FOXP2: variants seen among roughly 807,000 people sequenced by gnomAD.
FOXP2 encodes forkhead box protein P2.
Under a neutral mutation model 115.8 loss-of-function variants are expected in FOXP2, and 12 were observed. That is an observed-to-expected ratio of 0.10 (90% CI 0.07 to 0.17). The LOEUF is 0.17. Ranked by LOEUF, FOXP2 falls within the 10% of genes least tolerant of loss-of-function variation. The pLI is 1.00. For synonymous variants in FOXP2, 328 were observed against 297.7 expected (o/e 1.10, Z -1.05); for missense variants, 629 against 843.5 (o/e 0.75, Z 3.15).
intron 3 of FOXP2, among the ~76,000 whole-genome samples, chr7:114,571,908 T>C (rs1801325233): frequency 6.6e-6 from 1 of 151,788 alleles, no homozygotes; most frequent in Admixed American, 6.6e-5. Flanking sequence ...CTGATGTATT[T>C]ATTTAGGCTC....
intron 15 of FOXP2, among the ~76,000 whole-genome samples, 158 bp downstream of exon 15, chr7:114,663,677 T>C (rs574458290): frequency 6.6e-6 from 1 of 152,042 alleles, no homozygotes; most frequent in Non-Finnish European, 1.5e-5. Context: ...TGGTTCTAAT[T>C]CAAGCTACTT....
In FOXP2 at chr7:114,271,662, A is replaced by T. The variant is rs1420135729; in HGVS notation, c.-101-16357A>T. Among the ~76,000 whole-genome samples the T allele has an allele frequency of 5.0e-5, 6 of 119,660 alleles. No homozygotes were observed. In the East Asian group the frequency reaches 1.3e-3, roughly 26 times the overall value. The allele number at this position is 119,660 out of a possible 152,430, so 78.5% of individuals were successfully genotyped here. On this transcript the variant is annotated intron_variant, in intron 1 of 17. Transcript: ENST00000634411. ...ATTATTAATTATTATAAATATTATTAAATATATTATTTAAAATTATATTTA... is the reference window on the plus strand; with the variant it reads ...ATTATTAATTATTATAAATATTATTTAATATATTATTTAAAATTATATTTA...
chr7:114,289,817 CA>C (rs1400579285), intron 2 of FOXP2, among the ~76,000 whole-genome samples: 1 of 151,822 alleles, frequency 6.6e-6, no homozygotes, highest in Non-Finnish European at 1.5e-5. Context: ...AATGAATATG[CA>C]TAATGCCAAA....
At chr7:114,333,768 G>T (rs949296930) in intron 2 of FOXP2, among the ~76,000 whole-genome samples, 4 of 152,100 alleles carry the variant, frequency 2.6e-5, no homozygotes, top group African/African-American at 7.2e-5. Flanking sequence ...CATGCCTGTA[G>T]TCCCAGCCAT....
chr7:114,108,144 A>T (rs1406621650), intron 1 of FOXP2, among the ~76,000 whole-genome samples: 2 of 151,926 alleles, frequency 1.3e-5, no homozygotes, highest in Admixed American at 6.6e-5. Context: ...AACCAGGTTG[A>T]CTGTTCAATA....
intron 3 of FOXP2, among the ~76,000 whole-genome samples, chr7:114,616,869 G>A (rs1803979336): frequency 6.6e-6 from 1 of 152,158 alleles, no homozygotes; most frequent in South Asian, 2.1e-4. Context: ...GATTCTAGGA[G>A]TTCAAGACTA....
intron 2 of FOXP2, among the ~76,000 whole-genome samples, chr7:114,395,128 A>G (rs1271180683): frequency 6.6e-6 from 1 of 152,200 alleles, no homozygotes; most frequent in Non-Finnish European, 1.5e-5. Flanking sequence ...GTTTGTGACT[A>G]TGACAGTATT....
In FOXP2 at chr7:114,180,558, C is replaced by G. The variant is rs937823673; in HGVS notation, c.-102+17470C>G. 4.6e-5 allele frequency among the ~76,000 whole-genome samples: 7 copies of G among 152,024 alleles called. 1 individual carries two copies. The South Asian group carries it at 1.2e-3, about 27-fold the overall frequency. On this transcript the variant is annotated intron_variant, in intron 1 of 17. Transcript: ENST00000634411. Reference sequence around the variant, plus strand: ...GCTTAAATGTCCCATAAGAATTCATCTAAATACATGTATAATTAAGTATAT... The same window carrying G: ...GCTTAAATGTCCCATAAGAATTCATGTAAATACATGTATAATTAAGTATAT...
intron 1 of FOXP2, among the ~76,000 whole-genome samples, chr7:114,197,904 A>C (rs935065698): frequency 2.7e-5 from 4 of 150,898 alleles, no homozygotes; most frequent in African/African-American, 9.7e-5. Flanking sequence ...TCACTCTGTC[A>C]CCCAGGCTGG....
At chr7:114,124,337 A>G (rs189378912) in intron 1 of FOXP2, among the ~76,000 whole-genome samples, 3 of 152,260 alleles carry the variant, frequency 2.0e-5, no homozygotes, top group African/African-American at 7.2e-5. Flanking sequence ...AATAACCAGC[A>G]TGTAAAAAAC....
At chr7:114,107,090 T>C (rs555473028) in intron 1 of FOXP2, among the ~76,000 whole-genome samples, 1 of 152,128 alleles carries the variant, frequency 6.6e-6, no homozygotes, top group African/African-American at 2.4e-5. Context: ...TTTGGTATCT[T>C]AGGCAGTTTC....
At chr7:114,418,799 T>C (rs1446894650) in intron 1 of FOXP2, among the ~76,000 whole-genome samples, 2 of 151,906 alleles carry the variant, frequency 1.3e-5, no homozygotes, top group Non-Finnish European at 1.5e-5. Flanking sequence ...AGTATACTTA[T>C]AAGAATGATG....
intron 1 of FOXP2, among the ~76,000 whole-genome samples, chr7:114,125,999 A>G (rs942649859): frequency 6.6e-6 from 1 of 152,178 alleles, no homozygotes; most frequent in Non-Finnish European, 1.5e-5. Context: ...TTAAGAACCT[A>G]CTGCAAGTGA....
intron 2 of FOXP2, among the ~76,000 whole-genome samples, chr7:114,373,407 C>T (rs1287094100): frequency 6.6e-6 from 1 of 152,080 alleles, no homozygotes; most frequent in Non-Finnish European, 1.5e-5. Flanking sequence ...AGTACGTAAT[C>T]CAACACAGCC....
At chr7:114,618,818 T>C (rs1216861965) in intron 3 of FOXP2, among the ~76,000 whole-genome samples, 1 of 152,172 alleles carries the variant, frequency 6.6e-6, no homozygotes, top group Non-Finnish European at 1.5e-5. Context: ...AGTATTCTAC[T>C]TGTATAAACT....
intron 3 of FOXP2, among the ~76,000 whole-genome samples, chr7:114,606,709 C>G (rs915447092): frequency 6.6e-6 from 1 of 152,038 alleles, no homozygotes; most frequent in Non-Finnish European, 1.5e-5. Context: ...AAAGAACATT[C>G]TTACAAATAA....
chr7:114,574,500 A>G (rs1309577014), intron 3 of FOXP2, among the ~76,000 whole-genome samples: 1 of 151,460 alleles, frequency 6.6e-6, no homozygotes, highest in Non-Finnish European at 1.5e-5. Flanking sequence ...TTCCTGATTT[A>G]TCAAACAGCT....
At chr7:114,558,100 C>T (rs906157436) in intron 3 of FOXP2, among the ~76,000 whole-genome samples, 14 of 152,136 alleles carry the variant, frequency 9.2e-5, no homozygotes, top group African/African-American at 3.4e-4. Flanking sequence ...AGGCACTGCA[C>T]CCAGCCCTGA....
chr7:114,649,249 T>C (rs937580828), intron 8 of FOXP2, among the ~76,000 whole-genome samples: 3 of 152,098 alleles, frequency 2.0e-5, no homozygotes, highest in African/African-American at 7.2e-5. Context: ...ACAACCCCAC[T>C]TGGTCCTTTT....
Sources: gnomAD v4.1 joint callset for allele counts (sites outside exome capture counted in the v4.1 genomes callset) on GRCh38, gnomAD v4.1.1 for gene constraint, MANE v1.5 for transcripts, NCBI Gene and HGNC (gene_info 2026-07-23, HGNC 2026-07-21) for gene names.